NACC2: variants seen among roughly 807,000 people sequenced by gnomAD.
NACC2 encodes the protein NACC family member 2.
In NACC2, 8 loss-of-function variants were observed where a neutral mutation model predicts 25.1. The ratio of observed to expected loss-of-function variants is 0.32; its 90% confidence interval spans 0.19 to 0.57. The LOEUF (loss-of-function observed/expected upper bound fraction) is 0.57. NACC2 is among the 20% of genes least tolerant of loss of function. NACC2 has a pLI of 0.89. For synonymous variants in NACC2, 435 were observed against 294.7 expected (o/e 1.48, Z -4.88); for missense variants, 644 against 650.2 (o/e 0.99, Z 0.10).
chr9:136,072,010 G>A (rs1190509977), intron 1 of NACC2, among the ~76,000 whole-genome samples: 1 of 151,358 alleles, frequency 6.6e-6, no homozygotes, highest in Non-Finnish European at 1.5e-5. Flanking sequence ...GGCCCAGGTG[G>A]GTGGATCACC....
intron 2 of NACC2, among the ~76,000 whole-genome samples, chr9:136,033,891 G>A (rs1391464260): frequency 6.0e-5 from 8 of 132,590 alleles, no homozygotes; most frequent in African/African-American, 2.0e-4. Flanking sequence ...TCAAATTCCA[G>A]CAGGTGTGTG....
At chr9:136,043,624 G>A (rs4842084) in intron 2 of NACC2, among the ~76,000 whole-genome samples, 44,797 of 152,104 alleles carry the variant, frequency 0.29, 8,656 homozygotes, top group Non-Finnish European at 0.44. Flanking sequence ...CACGCACAGG[G>A]ATCCTATGAG....
intron 1 of NACC2, among the ~76,000 whole-genome samples, chr9:136,071,019 C>A (rs1841143880): frequency 6.6e-6 from 1 of 151,064 alleles, no homozygotes; most frequent in African/African-American, 2.5e-5. Context: ...CTCTTGAGGT[C>A]AGGAGTTCAA....
intron 2 of NACC2, among the ~76,000 whole-genome samples, chr9:136,027,467 G>A (rs1172793510): frequency 6.6e-6 from 1 of 152,128 alleles, no homozygotes; most frequent in Admixed American, 6.5e-5. Flanking sequence ...CATATACAGG[G>A]GCTCAGGGAA....
chr9:136,018,068 A>C lies in NACC2; in HGVS notation c.887-1639T>G, dbSNP rs186674396. Among the ~76,000 whole-genome samples the C allele has an allele frequency of 1.3e-3, 201 of 151,758 alleles. No homozygotes were observed. Among genetic ancestry groups the C allele is most frequent in the Admixed American group, 2.9e-3 (44 of 15,294 alleles). On this transcript the variant is annotated intron_variant, in intron 2 of 5. Coordinates refer to ENST00000277554, the MANE Select transcript of NACC2 (RefSeq NM_144653.5). This position sits in a 1 kb window ranked among gnomAD's most constrained non-coding sequence, Gnocchi z 4.4. The stretch of plus-strand genomic sequence containing the variant: ...CTGCTGGTCTCAGCTGTGCAGAGGG[A>C]GGGGTGGGGTGGAACCTGCACGTCC...
chr9:136,093,790 GA>G (rs1830457161), intron 1 of NACC2, among the ~76,000 whole-genome samples: 1 of 143,120 alleles, frequency 7.0e-6, no homozygotes, highest in Admixed American at 7.0e-5. Context: ...CGGTGGCCGG[GA>G]GAAGAAGGGG....
At chr9:136,066,772 A>C (rs908846613) in intron 1 of NACC2, among the ~76,000 whole-genome samples, 1 of 152,184 alleles carries the variant, frequency 6.6e-6, no homozygotes, top group Non-Finnish European at 1.5e-5. Context: ...AAAATGTGGA[A>C]TATCCATACA....
intron 1 of NACC2, among the ~76,000 whole-genome samples, chr9:136,058,917 C>T (rs935350441): frequency 6.6e-6 from 1 of 152,222 alleles, no homozygotes; most frequent in Non-Finnish European, 1.5e-5. Context: ...CACCCCACCC[C>T]AGTGGATAGC....
intron 2 of NACC2, among the ~76,000 whole-genome samples, chr9:136,035,318 C>T (rs1418327618): frequency 3.3e-5 from 5 of 151,846 alleles, no homozygotes; most frequent in Non-Finnish European, 5.9e-5. Context: ...AGTGGTGTCA[C>T]GTGACTCCTG....
chr9:136,093,312 CAA>C (rs1425189193), intron 1 of NACC2, among the ~76,000 whole-genome samples: 1 of 152,196 alleles, frequency 6.6e-6, no homozygotes, highest in Non-Finnish European at 1.5e-5. Flanking sequence ...AATTGGAAAA[CAA>C]AGGGAGGATT....
chr9:136,046,656 G>A (rs1462462524), intron 2 of NACC2, among the ~76,000 whole-genome samples: 2 of 152,208 alleles, frequency 1.3e-5, no homozygotes, highest in Non-Finnish European at 2.9e-5. Flanking sequence ...GCGCCTTCTC[G>A]CAGCTTTGCT....
chr9:136,057,977 C>T (rs1840951697), intron 1 of NACC2, among the ~76,000 whole-genome samples: 1 of 152,228 alleles, frequency 6.6e-6, no homozygotes, highest in African/African-American at 2.4e-5. Flanking sequence ...CATAGCTCTC[C>T]TCATCTGCAT....
chr9:136,015,064 C>A (rs1037574473), intron 3 of NACC2, among the ~76,000 whole-genome samples: 1 of 152,190 alleles, frequency 6.6e-6, no homozygotes, highest in Admixed American at 6.5e-5. Context: ...GGCCCGTCTC[C>A]TGCCCCACCA....
chr9:136,092,914 C>T (rs1218739484), intron 1 of NACC2, among the ~76,000 whole-genome samples: 1 of 152,198 alleles, frequency 6.6e-6, no homozygotes, highest in Admixed American at 6.5e-5. Flanking sequence ...GGAGTGACCC[C>T]AAGGGGCTGT....
intron 1 of NACC2, among the ~76,000 whole-genome samples, chr9:136,094,700 G>A (rs1357532975): frequency 2.0e-5 from 3 of 151,974 alleles, no homozygotes; most frequent in South Asian, 4.1e-4. Context: ...GCGCGGGCCC[G>A]GCTGGGCCAG....
At chr9:136,051,202 G>A (rs1264598859) in intron 1 of NACC2, among the ~76,000 whole-genome samples, 1 of 152,184 alleles carries the variant, frequency 6.6e-6, no homozygotes, top group Non-Finnish European at 1.5e-5. Flanking sequence ...CGGGAAGTCC[G>A]CTGAAGCCGC....
chr9:136,018,658 G>T lies in NACC2; in HGVS notation c.887-2229C>A, dbSNP rs1840239241. On this transcript the variant is annotated intron_variant, in intron 2 of 5. Transcript: ENST00000277554. The surrounding 1 kb of genome is among the most constrained non-coding windows in gnomAD (Gnocchi z 4.4). Reference sequence around the variant, plus strand: ...AGAGGCCAGAAAGGGGGCCTCAAAGGTGGGTGCACAGCCCCTGCCCGGCCA... The same window carrying T: ...AGAGGCCAGAAAGGGGGCCTCAAAGTTGGGTGCACAGCCCCTGCCCGGCCA... Among the ~76,000 whole-genome samples the T allele has an allele frequency of 6.6e-6, 1 of 152,048 alleles. No individual in the cohort carries two copies. The highest frequency in any genetic ancestry group is 2.4e-5 in the African/African-American group (1 of 41,372).
chr9:136,027,606 T>TTGTGTTATG (rs1564223030), intron 2 of NACC2, among the ~76,000 whole-genome samples: 3 of 152,096 alleles, frequency 2.0e-5, no homozygotes, highest in Non-Finnish European at 4.4e-5. Flanking sequence ...AAGCAGTACA[T>TTGTGTTATG]TGCTACATAA....
Position 136,013,375 on chromosome 9 carries a change from C to T in NACC2, c.1158-79G>A. On this transcript the variant is annotated intron_variant, in intron 4 of 5. Transcript: ENST00000277554. This position sits in a 1 kb window ranked among gnomAD's most constrained non-coding sequence, Gnocchi z 6.6. ...GGAGGCGACCCGCCCGCACGAATGC[C>T]CTGCTGGGAGGCCACTTGGCCTCAC... 3 of 1,356,766 alleles carry T rather than the reference C, an allele frequency of 2.2e-6. No homozygotes were observed. Among genetic ancestry groups the T allele is most frequent in the Non-Finnish European group, 2.1e-6 (2 of 970,266 alleles). The allele number at this position is 1,356,766 out of a possible 1,614,324, so 84.0% of individuals were successfully genotyped here.
Sources: allele counts gnomAD v4.1 joint callset (sites outside exome capture counted in the v4.1 genomes callset), GRCh38; gene constraint gnomAD v4.1.1; non-coding constraint Gnocchi (gnomAD v3.1); transcripts MANE v1.5; gene names NCBI Gene and HGNC (gene_info 2026-07-23, HGNC 2026-07-21).